Variants in NBAS observed in about 807,000 individuals in gnomAD.
The protein encoded by NBAS is NBAS subunit of NRZ tethering complex.
In NBAS, 219 loss-of-function variants were observed where a neutral mutation model predicts 302.5. The observed-to-expected ratio is 0.72, with a 90% CI of 0.65 to 0.81. The LOEUF is 0.81. NBAS is among the 30% of genes least tolerant of loss of function. The pLI is 0.00. For synonymous variants in NBAS, 1,118 were observed against 1,021.6 expected (o/e 1.09, Z -1.80); for missense variants, 2,932 against 2,841.6 (o/e 1.03, Z -0.72).
chr2:14,997,483 T>C, the NBAS span, among the ~76,000 whole-genome samples: 2 of 151,764 alleles, frequency 1.3e-5, no homozygotes, highest in African/African-American at 4.8e-5. Context: ...TTCCCCAAGC[T>C]TTATTGAGGT....
At chr2:15,098,974 TAC>T in the NBAS span, among the ~76,000 whole-genome samples, 25 of 150,632 alleles carry the variant, frequency 1.7e-4, no homozygotes, top group African/African-American at 4.6e-4. Flanking sequence ...CATATATATA[TAC>T]ACACACACAC....
intron 16 of NBAS, among the ~76,000 whole-genome samples, chr2:15,470,904 T>C (rs1042670271): frequency 6.6e-6 from 1 of 152,002 alleles, no homozygotes; most frequent in African/African-American, 2.4e-5. Context: ...GAAGCTGCAG[T>C]GAGCCGAGAT....
intron 15 of NBAS, among the ~76,000 whole-genome samples, chr2:15,473,690 G>C (rs1180286443): frequency 6.6e-6 from 1 of 152,092 alleles, no homozygotes; most frequent in African/African-American, 2.4e-5. Context: ...CACAGTGCTG[G>C]TCACCTCGGC....
At chr2:15,532,833 G>A (rs1046803473) in intron 9 of NBAS, among the ~76,000 whole-genome samples, 1 of 151,310 alleles carries the variant, frequency 6.6e-6, no homozygotes, top group African/African-American at 2.4e-5. Context: ...GTAAATATAA[G>A]AAAAAATTTT....
At chr2:15,388,770 G>A (rs548627289) in intron 28 of NBAS, among the ~76,000 whole-genome samples, 230 of 152,126 alleles carry the variant, frequency 1.5e-3, no homozygotes, top group Non-Finnish European at 2.7e-3. Flanking sequence ...TAAATAATGA[G>A]TTACGTTCAC....
intron 48 of NBAS, among the ~76,000 whole-genome samples, chr2:15,210,077 G>A (rs918561276): frequency 5.3e-5 from 8 of 152,064 alleles, no homozygotes; most frequent in Non-Finnish European, 1.0e-4. Context: ...AAGATTTCTT[G>A]AGTAATACCC....
the NBAS span, among the ~76,000 whole-genome samples, chr2:14,945,650 T>A: frequency 6.6e-6 from 1 of 151,742 alleles, no homozygotes; most frequent in African/African-American, 2.4e-5. Flanking sequence ...AACTAAAAAA[T>A]TAATTAGAGG....
At chr2:15,251,404 T>C (rs972897274) in intron 44 of NBAS, among the ~76,000 whole-genome samples, 7 of 152,178 alleles carry the variant, frequency 4.6e-5, no homozygotes, top group Non-Finnish European at 8.8e-5. Context: ...CATGTATACC[T>C]ATGAAACAAA....
intron 16 of NBAS, among the ~76,000 whole-genome samples, chr2:15,471,543 C>A (rs1465111370): frequency 6.6e-6 from 1 of 152,078 alleles, no homozygotes; most frequent in African/African-American, 2.4e-5. Context: ...AAGTCTCAAC[C>A]TTTTTAAAAG....
the NBAS span, among the ~76,000 whole-genome samples, chr2:14,985,794 T>G: frequency 1.3e-5 from 2 of 152,208 alleles, no homozygotes; most frequent in African/African-American, 4.8e-5. Context: ...TATACTTGAT[T>G]TTGAGACTGC....
At chr2:15,484,456 T>C (rs935569491) in intron 12 of NBAS, among the ~76,000 whole-genome samples, 7 of 152,182 alleles carry the variant, frequency 4.6e-5, no homozygotes, top group South Asian at 4.1e-4. Flanking sequence ...TGTTCCATTA[T>C]TGGAATGCTA....
At chr2:15,097,011 G>T in the NBAS span, among the ~76,000 whole-genome samples, 12 of 152,188 alleles carry the variant, frequency 7.9e-5, no homozygotes, top group African/African-American at 1.4e-4. Flanking sequence ...GCAGGAATGT[G>T]GTGGGCAGAC....
In NBAS at chr2:15,504,140, G is replaced by A; in HGVS notation, c.954+5C>T. 6.2e-7 allele frequency: 1 copy of A among 1,611,376 alleles called. No individual in the cohort carries two copies. The highest frequency in any genetic ancestry group is 8.5e-7 in the Non-Finnish European group (1 of 1,177,610). ...GCCCACCATAGTTAAGCCAATTTGTGTTACCTGTTCTTGTCCCTGGCGACT... is the reference window on the plus strand; with the variant it reads ...GCCCACCATAGTTAAGCCAATTTGTATTACCTGTTCTTGTCCCTGGCGACT... On this transcript the variant is annotated splice_donor_5th_base_variant and intron_variant, in intron 11 of 51. Coordinates refer to ENST00000281513, the MANE Select transcript of NBAS (RefSeq NM_015909.4).
At chr2:15,109,574 A>C in the NBAS span, among the ~76,000 whole-genome samples, 1 of 152,144 alleles carries the variant, frequency 6.6e-6, no homozygotes, top group African/African-American at 2.4e-5. Flanking sequence ...TATTTCTCAC[A>C]GTTCTGGAAG....
chr2:15,037,832 G>T, the NBAS span, among the ~76,000 whole-genome samples: 1 of 151,856 alleles, frequency 6.6e-6, no homozygotes, highest in Admixed American at 6.6e-5. Flanking sequence ...AGTTAATTCA[G>T]TCTTTCTTCT....
chr2:14,967,246 G>A, the NBAS span, among the ~76,000 whole-genome samples: 2 of 152,128 alleles, frequency 1.3e-5, no homozygotes, highest in African/African-American at 4.8e-5. Flanking sequence ...TAGATTCAAT[G>A]CAATTTCAAT....
chr2:15,403,563 A>G (rs1034428230), intron 25 of NBAS, among the ~76,000 whole-genome samples: 11 of 152,210 alleles, frequency 7.2e-5, no homozygotes, highest in African/African-American at 2.7e-4. Flanking sequence ...AGAAGATTTA[A>G]AGTATACAAG....
chr2:15,214,082 T>C (rs1342741181), intron 48 of NBAS, among the ~76,000 whole-genome samples: 3 of 152,218 alleles, frequency 2.0e-5, no homozygotes, highest in Non-Finnish European at 4.4e-5. Context: ...TTTGCTTGCA[T>C]GTCAGGGGGA....
chr2:15,016,273 C>T, the NBAS span, among the ~76,000 whole-genome samples: 1 of 152,088 alleles, frequency 6.6e-6, no homozygotes, highest in African/African-American at 2.4e-5. Context: ...ACTTATTCAC[C>T]ACCACAAGAA....
Sources: gnomAD v4.1 joint callset for allele counts (sites outside exome capture counted in the v4.1 genomes callset) on GRCh38, gnomAD v4.1.1 for gene constraint, MANE v1.5 for transcripts, NCBI Gene and HGNC (gene_info 2026-07-23, HGNC 2026-07-21) for gene names.